Variants in STARD9 observed in about 807,000 individuals in gnomAD.
STARD9 encodes stAR-related lipid transfer protein 9.
Under a neutral mutation model 399.8 loss-of-function variants are expected in STARD9, and 346 were observed. The ratio of observed to expected loss-of-function variants is 0.87; its 90% CI spans 0.79 to 0.95. The LOEUF is 0.95. STARD9 is among the 40% of genes least tolerant of loss of function. The pLI is 0.00. For missense variants in STARD9, 5,832 were observed against 5,667.5 expected (o/e 1.03, Z -0.93); for synonymous variants, 2,203 against 2,143.5 (o/e 1.03, Z -0.77).
At chr15:42,638,631 T>A in intron 6 of STARD9, 69 bp from the exon 7 acceptor site, 1 of 1,126,002 alleles carries the variant, frequency 8.9e-7, no homozygotes, top group South Asian at 1.4e-5. Flanking sequence ...ACCTCCTGAT[T>A]TTTAGCTCAA....
At position 42,634,845 on chromosome 15, in the gene STARD9, T is replaced by C. The variant is rs1325866003; in HGVS notation, c.235-11T>C. 7.0e-7 allele frequency: 1 copy of C among 1,431,030 alleles called. No homozygotes were observed. Among genetic ancestry groups the C allele is most frequent in the South Asian group, 1.2e-5 (1 of 80,136 alleles). The allele number at this position is 1,431,030 out of a possible 1,614,324, so 88.6% of individuals were successfully genotyped here. A position where few individuals can be genotyped will look rare whatever the true frequency, so the allele number is the denominator to read the frequency against. ...ACCACAGTGATATTTCCTCTGCTTT[T>C]GTTGTTACAGGTTTTCCAGGATTTA... On this transcript the variant is annotated splice_polypyrimidine_tract_variant and intron_variant, in intron 3 of 32. Transcript: ENST00000290607.
intron 31 of STARD9, 65 bp downstream of exon 31, chr15:42,718,579 C>A (rs1214202358): frequency 6.8e-7 from 1 of 1,481,462 alleles, no homozygotes; most frequent in African/African-American, 1.4e-5. Flanking sequence ...GAGAAACAAT[C>A]TATGTGGGCC....
At chr15:42,670,406 G>C (rs1481117761) in intron 16 of STARD9, 1 of 152,236 alleles carries the variant, frequency 6.6e-6, no homozygotes, top group African/African-American at 2.4e-5. Context: ...CCTCATTTCT[G>C]ATTGAAGTGG....
At chr15:42,640,124 C>T (rs984526251) in intron 7 of STARD9, among the ~76,000 whole-genome samples, 1 of 152,056 alleles carries the variant, frequency 6.6e-6, no homozygotes, top group Non-Finnish European at 1.5e-5. Context: ...CACTATGTTG[C>T]CCAGGCTGGT....
intron 16 of STARD9, chr15:42,671,633 G>A (rs549137030): frequency 1.3e-5 from 2 of 151,512 alleles, no homozygotes; most frequent in Non-Finnish European, 2.9e-5. Flanking sequence ...ATGTGAGCTG[G>A]TACTGATAAC....
chr15:42,713,005 T>C (rs1197046211), intron 26 of STARD9, among the ~76,000 whole-genome samples: 1 of 152,230 alleles, frequency 6.6e-6, no homozygotes, highest in African/African-American at 2.4e-5. Flanking sequence ...GGGATTTTCA[T>C]TGGGATTACT....
At position 42,689,537 on chromosome 15, in the gene STARD9, G is replaced by A. The variant is rs768947328; in HGVS notation, c.7959G>A (p.Thr2653=). The A allele has an allele frequency of 1.2e-5, 18 of 1,537,080 alleles. No homozygotes were observed. Among genetic ancestry groups the A allele is most frequent in the African/African-American group, 2.7e-5 (2 of 73,014 alleles). ...SADSFESLPN[T]ETDREPWDPV... is the part of the protein sequence containing the mutation. ...ACAGCTTTGAATCTCTGCCCAATAC[G>A]GAAACTGACAGAGAGCCATGGGATC... Residue 2653 remains threonine, a synonymous_variant, in exon 23 of 33, where the codon ACG becomes ACA. Transcript: ENST00000290607.
chr15:42,719,799 C>CCAGACTATCCAGAGTGAATG lies in STARD9; in HGVS notation c.*229_*248dup. On this transcript the variant is annotated 3_prime_UTR_variant, in exon 33 of 33. Coordinates refer to ENST00000290607, the MANE Select transcript of STARD9 (RefSeq NM_020759.3). ...AGAGCAAACGGCCTGAGCTCCTGGC[C>CCAGACTATCCAGAGTGAATG]CAGACTATCCAGAGTGAATGCAGCT... The CCAGACTATCCAGAGTGAATG allele has an allele frequency of 1.9e-6, 1 of 526,380 alleles. No homozygotes were observed. Among genetic ancestry groups the CCAGACTATCCAGAGTGAATG allele is most frequent in the South Asian group, 2.5e-5 (1 of 39,460 alleles). The allele number at this position is 526,380 out of a possible 1,614,324, so 32.6% of individuals were successfully genotyped here.
intron 1 of STARD9, among the ~76,000 whole-genome samples, chr15:42,577,254 C>G (rs534900279): frequency 6.6e-6 from 1 of 151,930 alleles, no homozygotes; most frequent in African/African-American, 2.4e-5. Context: ...CCCGGGTTCA[C>G]GCCATTCTCC....
At chr15:42,575,893 G>T (rs1370976627) in intron 1 of STARD9, 131 bp downstream of exon 1, 6 of 1,003,908 alleles carry the variant, frequency 6.0e-6, no homozygotes, top group Non-Finnish European at 9.0e-6. Flanking sequence ...TCGGGGTCCG[G>T]AATCCACGGA....
At chr15:42,647,804 T>A (rs1018980679) in intron 7 of STARD9, among the ~76,000 whole-genome samples, 5 of 152,250 alleles carry the variant, frequency 3.3e-5, no homozygotes, top group African/African-American at 1.2e-4. Flanking sequence ...TTTATGTTCC[T>A]TTTTCGTTAC....
intron 3 of STARD9, among the ~76,000 whole-genome samples, chr15:42,618,649 T>C (rs2059021357): frequency 6.6e-6 from 1 of 152,076 alleles, no homozygotes; most frequent in Non-Finnish European, 1.5e-5. Flanking sequence ...CAGGCTGGAG[T>C]GCAGTGGTGT....
In STARD9 at chr15:42,695,171, A is replaced by T; in HGVS notation, c.12994A>T (p.Thr4332Ser). 1 of 1,536,226 alleles carries T rather than the reference A, an allele frequency of 6.5e-7. No homozygotes were observed. Among genetic ancestry groups the T allele is most frequent in the Non-Finnish European group, 8.7e-7 (1 of 1,146,310 alleles). The stretch of plus-strand genomic sequence containing the variant: ...AGAGTCAGTGTCAAGGTCAGCTCAC[A>T]CACCCTCTGACATAGAGTTGATGCT... ...SPESVSRSAHTPSDIELMLQD... is the reference protein window; with the variant it reads ...SPESVSRSAHSPSDIELMLQD... Residue 4332 changes from threonine to serine, a missense_variant, in exon 25 of 33, where the codon ACA becomes TCA. Physicochemically the swap from Thr to Ser is moderately conservative, Grantham distance 58. This residue lies in a region of STARD9 where 5,828 missense variants were observed against 5,651.1 expected (regional missense o/e 1.03). Coordinates refer to ENST00000290607, the MANE Select transcript of STARD9 (RefSeq NM_020759.3).
At chr15:42,615,582 A>T (rs1029347519) in intron 3 of STARD9, among the ~76,000 whole-genome samples, 2 of 151,550 alleles carry the variant, frequency 1.3e-5, no homozygotes, top group African/African-American at 4.8e-5. Flanking sequence ...AACCCATATT[A>T]TATATATATA....
Position 42,693,156 on chromosome 15 carries a change from A to G in STARD9, c.11578A>G (p.Ser3860Gly). Residue 3860 changes from serine to glycine, a missense_variant, in exon 23 of 33, where the codon AGT (serine) becomes GGT (glycine). This residue lies in a region of STARD9 where 5,828 missense variants were observed against 5,651.1 expected (regional missense o/e 1.03). Coordinates refer to ENST00000290607, the MANE Select transcript of STARD9 (RefSeq NM_020759.3). Reference sequence around the variant, plus strand: ...ATATTGCTTAGTTGTCAGCAGTCCCAGTCCCAGCTCCCCTCATTCCCCAGG... The same window carrying G: ...ATATTGCTTAGTTGTCAGCAGTCCCGGTCCCAGCTCCCCTCATTCCCCAGG... ...ESYCLVVSSP[S>G]PSSPHSPGLF... The G allele has an allele frequency of 6.5e-7, 1 of 1,537,132 alleles. No individual in the cohort carries two copies. Among genetic ancestry groups the G allele is most frequent in the Non-Finnish European group, 8.7e-7 (1 of 1,146,872 alleles).
At chr15:42,708,212 T>C (rs2061132323) in intron 26 of STARD9, among the ~76,000 whole-genome samples, 1 of 152,212 alleles carries the variant, frequency 6.6e-6, no homozygotes, top group Non-Finnish European at 1.5e-5. Context: ...TCCTTTTAAA[T>C]TGACAAGGCT....
intron 7 of STARD9, among the ~76,000 whole-genome samples, chr15:42,641,114 T>C (rs746227482): frequency 3.3e-5 from 5 of 152,126 alleles, no homozygotes; most frequent in Non-Finnish European, 7.4e-5. Context: ...AATATGACTC[T>C]TGGAAGGTCA....
At chr15:42,628,713 A>C (rs1439075711) in intron 3 of STARD9, among the ~76,000 whole-genome samples, 2 of 151,930 alleles carry the variant, frequency 1.3e-5, no homozygotes, top group Non-Finnish European at 2.9e-5. Flanking sequence ...ATGTTTTGGC[A>C]CCTTTGTCAA....
chr15:42,684,622 C>G lies in STARD9; in HGVS notation c.3044C>G (p.Pro1015Arg). The change falls in exon 23 of 33, where the codon CCC becomes CGC. Residue 1015 changes from proline (P) to arginine (R), a missense_variant. Physicochemically the swap from Pro to Arg is moderately radical, Grantham distance 103. Transcript: ENST00000290607. ...ASCNSLYPHG[P>R]RQTAGHGKAV... is the part of the protein sequence containing the mutation. ...TGCAATTCCTTGTATCCTCATGGAC[C>G]CAGGCAGACTGCTGGGCACGGAAAG... is the stretch of plus-strand genomic sequence containing the variant. 3 of 1,537,150 alleles carry G rather than the reference C, an allele frequency of 2.0e-6. No homozygotes were observed. The highest frequency in any genetic ancestry group is 2.6e-6 in the Non-Finnish European group (3 of 1,146,884).
Sources: gnomAD v4.1 joint callset for allele counts (sites outside exome capture counted in the v4.1 genomes callset) on GRCh38, gnomAD v4.1.1 for gene constraint, gnomAD v4.1.1 regional missense constraint, MANE v1.5 for transcripts, NCBI Gene and HGNC (gene_info 2026-07-23, HGNC 2026-07-21) for gene names.